The following ROBO2 variants were observed in gnomAD, a reference collection of about 807,000 sequenced individuals.
ROBO2 encodes roundabout guidance receptor 2.
In ROBO2, 53 loss-of-function variants were observed where a neutral mutation model predicts 160.8. That is an observed-to-expected ratio of 0.33 (90% CI 0.26 to 0.41). ROBO2 has a LOEUF of 0.41. Ranked by LOEUF, ROBO2 falls within the 10% of genes least tolerant of loss-of-function variation. The pLI is 1.00. For synonymous variants in ROBO2, 664 were observed against 611.7 expected, an observed-to-expected ratio of 1.09 and a Z score of -1.26; for missense variants, 1,577 against 1,722.4, an observed-to-expected ratio of 0.92 and a Z score of 1.49.
chr3:76,844,437 T>A (rs2068590136), intron 2 of ROBO2, among the ~76,000 whole-genome samples: 1 of 151,966 alleles, frequency 6.6e-6, no homozygotes, highest in African/African-American at 2.4e-5. Flanking sequence ...GGTTTCTCAC[T>A]TCAAGGCTGT....
chr3:76,619,687 T>C (rs899817526), intron 2 of ROBO2, among the ~76,000 whole-genome samples: 42 of 151,794 alleles, frequency 2.8e-4, no homozygotes, highest in African/African-American at 9.4e-4. Flanking sequence ...TAGACAGGAG[T>C]TTCAACTGCA....
intron 2 of ROBO2, among the ~76,000 whole-genome samples, chr3:76,817,827 CTTTTTTTT>C (rs78546104): frequency 7.7e-6 from 1 of 129,494 alleles, no homozygotes; most frequent in Non-Finnish European, 1.7e-5. Context: ...TATTTCATTC[CTTTTTTTT>C]TTTTTTTTTT....
intron 2 of ROBO2, among the ~76,000 whole-genome samples, chr3:75,952,008 G>C (rs1252100565): frequency 6.6e-6 from 1 of 151,940 alleles, no homozygotes; most frequent in Non-Finnish European, 1.5e-5. Flanking sequence ...AAAAGAAGCA[G>C]GATAAATTGA....
chr3:77,446,120 A>G (rs1009786511), intron 2 of ROBO2, among the ~76,000 whole-genome samples: 1 of 151,988 alleles, frequency 6.6e-6, no homozygotes, highest in African/African-American at 2.4e-5. Context: ...TGTGAGCAAA[A>G]TTTGTATTGA....
intron 2 of ROBO2, among the ~76,000 whole-genome samples, chr3:76,420,420 T>C (rs2075945423): frequency 6.6e-6 from 1 of 152,190 alleles, no homozygotes; most frequent in Non-Finnish European, 1.5e-5. Flanking sequence ...AATGATGACG[T>C]GTTAAAATTG....
At chr3:77,109,366 G>A (rs1309858454) in intron 2 of ROBO2, among the ~76,000 whole-genome samples, 1 of 127,092 alleles carries the variant, frequency 7.9e-6, no homozygotes, top group Non-Finnish European at 1.7e-5. Flanking sequence ...TATATTTTAT[G>A]TTGTGCATTT....
At chr3:77,018,514 A>G (rs1348898138) in intron 2 of ROBO2, among the ~76,000 whole-genome samples, 5 of 152,204 alleles carry the variant, frequency 3.3e-5, no homozygotes, top group Non-Finnish European at 5.9e-5. Context: ...ACAAGGCTAT[A>G]TCCTCTTAAC....
chr3:76,294,845 G>A (rs1183080472), intron 2 of ROBO2, among the ~76,000 whole-genome samples: 4 of 152,194 alleles, frequency 2.6e-5, no homozygotes. Context: ...TAACTTCAAT[G>A]AGGGATAACA....
At chr3:77,564,033 A>G (rs1386996080) in intron 11 of ROBO2, among the ~76,000 whole-genome samples, 1 of 152,162 alleles carries the variant, frequency 6.6e-6, no homozygotes, top group Admixed American at 6.6e-5. Flanking sequence ...TCTACGTGAC[A>G]GTATAAATTT....
intron 2 of ROBO2, among the ~76,000 whole-genome samples, chr3:75,939,301 G>A (rs1947934083): frequency 6.6e-6 from 1 of 152,040 alleles, no homozygotes; most frequent in Non-Finnish European, 1.5e-5. Context: ...CAGTAATTGT[G>A]GCTTGTTTTA....
chr3:76,893,045 C>T (rs763202293), intron 2 of ROBO2, among the ~76,000 whole-genome samples: 8 of 152,162 alleles, frequency 5.3e-5, no homozygotes, highest in Non-Finnish European at 1.2e-4. Context: ...AAACTGTCTC[C>T]TCCAATTGGA....
intron 2 of ROBO2, among the ~76,000 whole-genome samples, chr3:76,282,006 A>C: frequency 6.6e-6 from 1 of 152,044 alleles, no homozygotes; most frequent in East Asian, 1.9e-4. Context: ...TAAGACTTTA[A>C]AGTTACATTA....
At chr3:76,750,429 G>T (rs1190782498) in intron 2 of ROBO2, among the ~76,000 whole-genome samples, 1 of 152,068 alleles carries the variant, frequency 6.6e-6, no homozygotes, top group African/African-American at 2.4e-5. Context: ...TCAACATAGT[G>T]TTGGAAGTTC....
At chr3:77,451,990 A>G (rs929270981) in intron 2 of ROBO2, among the ~76,000 whole-genome samples, 1 of 151,942 alleles carries the variant, frequency 6.6e-6, no homozygotes, top group Non-Finnish European at 1.5e-5. Flanking sequence ...TCATTGTTCA[A>G]TTCCTACCTA....
At chr3:76,324,052 A>G (rs568031277) in intron 2 of ROBO2, among the ~76,000 whole-genome samples, 226 of 152,310 alleles carry the variant, frequency 1.5e-3, no homozygotes, top group Middle Eastern at 0.014. Context: ...ACAATGATCT[A>G]TCATTATCAC....
At chr3:77,553,051 C>G (rs1212698820) in intron 8 of ROBO2, among the ~76,000 whole-genome samples, 1 of 151,914 alleles carries the variant, frequency 6.6e-6, no homozygotes, top group South Asian at 2.1e-4. Flanking sequence ...ATGGTTTTTA[C>G]AAATTGAAGG....
rs144047153 is a variant in ROBO2 at position 76,802,836 on chromosome 3, C to T, written c.110-295178C>T. On this transcript the variant is annotated intron_variant, in intron 2 of 26. Coordinates refer to the ROBO2 transcript ENST00000487694. Reference sequence around the variant, plus strand: ...GTAGTAATAATGCAGACACTGTTTACCTTACTTTAGCTTAGTAAATATTTA... The same window carrying T: ...GTAGTAATAATGCAGACACTGTTTATCTTACTTTAGCTTAGTAAATATTTA... 5.4e-3 allele frequency among the ~76,000 whole-genome samples: 815 copies of T among 152,152 alleles called. 6 individuals are homozygous for T. Among genetic ancestry groups the T allele is most frequent in the African/African-American group, 0.019 (776 of 41,510 alleles).
chr3:77,161,245 G>A (rs577884153), intron 2 of ROBO2, among the ~76,000 whole-genome samples: 70 of 152,242 alleles, frequency 4.6e-4, no homozygotes, highest in African/African-American at 1.7e-3. Flanking sequence ...TTGGATTTTT[G>A]CATCTGTAAC....
At chr3:76,387,767 G>A (rs1487951672) in intron 2 of ROBO2, among the ~76,000 whole-genome samples, 1 of 152,210 alleles carries the variant, frequency 6.6e-6, no homozygotes, top group Non-Finnish European at 1.5e-5. Context: ...AGTCTGTGCT[G>A]TGGATGAGCA....
Sources: allele counts gnomAD v4.1 joint callset (sites outside exome capture counted in the v4.1 genomes callset), GRCh38; gene constraint gnomAD v4.1.1; transcripts MANE v1.5; gene names NCBI Gene and HGNC (gene_info 2026-07-23, HGNC 2026-07-21).